Variants in PABPC4L observed in about 807,000 individuals in gnomAD.
PABPC4L encodes the protein polyadenylate-binding protein 4-like.
For synonymous variants in PABPC4L, 169 were observed against 164.1 expected, an observed-to-expected ratio of 1.03 and a Z score of -0.23; for missense variants, 452 against 451.4, an observed-to-expected ratio of 1.00 and a Z score of -0.01.
chr4:134,161,364 T>G, the PABPC4L span, among the ~76,000 whole-genome samples: 1 of 151,922 alleles, frequency 6.6e-6, no homozygotes, highest in Non-Finnish European at 1.5e-5. Context: ...ACAAATCTTA[T>G]TCAAGGAAGT....
the PABPC4L span, among the ~76,000 whole-genome samples, chr4:134,024,410 T>C: frequency 4.6e-5 from 7 of 152,164 alleles, no homozygotes; most frequent in Admixed American, 1.3e-4. Context: ...CAAGGTCTTA[T>C]CAGTGTTGAT....
At chr4:134,001,760 T>A in the PABPC4L span, among the ~76,000 whole-genome samples, 1 of 152,098 alleles carries the variant, frequency 6.6e-6, no homozygotes, top group African/African-American at 2.4e-5. Flanking sequence ...ACTAATATGG[T>A]GCTACTTTTT....
chr4:134,066,273 G>A, the PABPC4L span, among the ~76,000 whole-genome samples: 1 of 152,090 alleles, frequency 6.6e-6, no homozygotes, highest in Non-Finnish European at 1.5e-5. Flanking sequence ...TCACTGGTTA[G>A]CTCTATTCCT....
the PABPC4L span, among the ~76,000 whole-genome samples, chr4:134,138,498 A>G: frequency 6.6e-6 from 1 of 151,776 alleles, no homozygotes; most frequent in Admixed American, 6.6e-5. Context: ...ATTTTTAATT[A>G]CTGTTCATTT....
the PABPC4L span, among the ~76,000 whole-genome samples, chr4:134,012,614 T>C: frequency 6.6e-6 from 1 of 152,174 alleles, no homozygotes; most frequent in African/African-American, 2.4e-5. Context: ...CACATGGACA[T>C]GCATGAAATT....
In PABPC4L at chr4:134,200,364, A is replaced by T; in HGVS notation, c.656T>A (p.Val219Asp). 5 of 1,589,662 alleles carry T rather than the reference A, an allele frequency of 3.1e-6. No individual in the cohort carries two copies. The highest frequency in any genetic ancestry group is 2.6e-6 in the Non-Finnish European group (3 of 1,166,536). Residue 219 changes from valine to aspartate, a missense_variant, in exon 2 of 2, where the codon GTT (valine) becomes GAT (aspartate). Physicochemically the swap from Val to Asp is radical, Grantham distance 152. Coordinates refer to ENST00000421491, the MANE Select transcript of PABPC4L (RefSeq NM_001114734.2). Reference sequence around the variant, plus strand: ...CCCACTGGAATCTGTCATCACCTTAACACTCAGAGTTTTGCCATATTTGCT... The same window carrying T: ...CCCACTGGAATCTGTCATCACCTTATCACTCAGAGTTTTGCCATATTTGCT... ...VFSKYGKTLSVKVMTDSSGKS... is the reference protein window; with the variant it reads ...VFSKYGKTLSDKVMTDSSGKS...
chr4:134,169,219 G>C, the PABPC4L span, among the ~76,000 whole-genome samples: 1 of 152,014 alleles, frequency 6.6e-6, no homozygotes, highest in African/African-American at 2.4e-5. Context: ...CATTTCTACT[G>C]ATGCTGATAA....
chr4:134,012,895 G>T, the PABPC4L span, among the ~76,000 whole-genome samples: 1 of 151,646 alleles, frequency 6.6e-6, no homozygotes, highest in Non-Finnish European at 1.5e-5. Context: ...TCATTTTCTG[G>T]TAGAAACAAA....
the PABPC4L span, among the ~76,000 whole-genome samples, chr4:134,124,612 A>G: frequency 6.6e-6 from 1 of 152,078 alleles, no homozygotes; most frequent in African/African-American, 2.4e-5. Context: ...ACACAGCAGT[A>G]GGCATTCTTC....
chr4:134,142,699 T>G, the PABPC4L span, among the ~76,000 whole-genome samples: 2 of 151,554 alleles, frequency 1.3e-5, no homozygotes, highest in African/African-American at 2.4e-5. Context: ...TTAAGGGATA[T>G]ATAAACTGCA....
At chr4:134,148,022 C>G in the PABPC4L span, among the ~76,000 whole-genome samples, 1 of 151,944 alleles carries the variant, frequency 6.6e-6, no homozygotes, top group African/African-American at 2.4e-5. Context: ...TATTATTTCC[C>G]AAGATGATTA....
At chr4:134,192,921 G>A (rs920893088), downstream of PABPC4L, among the ~76,000 whole-genome samples, 6 of 152,028 alleles carry the variant, frequency 3.9e-5, no homozygotes, top group African/African-American at 1.4e-4. Context: ...TCTATTTCTT[G>A]ACTTGAGTGG....
the PABPC4L span, among the ~76,000 whole-genome samples, chr4:134,103,484 C>T: frequency 2.6e-5 from 4 of 151,666 alleles, no homozygotes; most frequent in East Asian, 3.9e-4. Context: ...ACATGGTTCC[C>T]GTTTGTGCAT....
chr4:134,186,137 A>G, the PABPC4L span, among the ~76,000 whole-genome samples: 10 of 152,186 alleles, frequency 6.6e-5, no homozygotes, highest in African/African-American at 2.4e-4. Flanking sequence ...ATTCAATGCC[A>G]TCCCCATCAA....
the PABPC4L span, among the ~76,000 whole-genome samples, chr4:134,016,484 TGATAA>T: frequency 6.6e-6 from 1 of 152,310 alleles, no homozygotes; most frequent in South Asian, 2.1e-4. Context: ...ATGCTTATGC[TGATAA>T]GATAGCTAAA....
At chr4:133,970,533 G>GT in the PABPC4L span, among the ~76,000 whole-genome samples, 1 of 152,080 alleles carries the variant, frequency 6.6e-6, no homozygotes, top group Admixed American at 6.6e-5. Flanking sequence ...TATGTTCCTA[G>GT]TTAAAAATGT....
At chr4:134,188,809 A>G in the PABPC4L span, among the ~76,000 whole-genome samples, 3 of 152,012 alleles carry the variant, frequency 2.0e-5, no homozygotes, top group South Asian at 6.2e-4. Context: ...TATCCTGCTC[A>G]GTGCTCTCGG....
chr4:134,101,423 G>T, the PABPC4L span, among the ~76,000 whole-genome samples: 2 of 151,322 alleles, frequency 1.3e-5, no homozygotes, highest in Non-Finnish European at 3.0e-5. Context: ...CCAAAATTCT[G>T]CTTTCCAACA....
the PABPC4L span, among the ~76,000 whole-genome samples, chr4:133,982,668 T>C: frequency 2.0e-5 from 3 of 151,964 alleles, no homozygotes; most frequent in African/African-American, 7.2e-5. Flanking sequence ...TCTCCCATCC[T>C]CTCTTCTTTA....
Sources: gnomAD v4.1 joint callset for allele counts (sites outside exome capture counted in the v4.1 genomes callset) on GRCh38, gnomAD v4.1.1 for gene constraint, MANE v1.5 for transcripts, NCBI Gene and HGNC (gene_info 2026-07-23, HGNC 2026-07-21) for gene names.